SNED1: variants seen among roughly 807,000 people sequenced by gnomAD.
SNED1 encodes sushi, nidogen and EGF-like domain-containing protein 1.
A neutral mutation model predicts 166.7 loss-of-function variants in SNED1; 81 were observed. The observed-to-expected ratio is 0.49, with a 90% CI of 0.41 to 0.58. The LOEUF (loss-of-function observed/expected upper bound fraction) is 0.58, where lower values mean the gene tolerates loss of function less well. Among genes scored for constraint, SNED1 ranks in the 20% least tolerant of loss-of-function variants. SNED1 has a pLI of 0.00. For synonymous variants in SNED1, 762 were observed against 822.0 expected, an observed-to-expected ratio of 0.93 and a Z score of 1.25; for missense variants, 1,604 against 2,000.2, an observed-to-expected ratio of 0.80 and a Z score of 3.78.
At chr2:241,089,674 A>G (rs985254954) in intron 31 of SNED1, among the ~76,000 whole-genome samples, 1 of 152,258 alleles carries the variant, frequency 6.6e-6, no homozygotes, top group Non-Finnish European at 1.5e-5. Flanking sequence ...ACACACACTA[A>G]GCACACTCCA....
intron 15 of SNED1, 89 bp downstream of exon 15, chr2:241,052,557 T>C (rs112347612): frequency 5.4e-5 from 54 of 993,866 alleles, no homozygotes; most frequent in African/African-American, 5.0e-4. Flanking sequence ...GTACATGGGA[T>C]ACCAGTGCCA....
chr2:241,048,971 C>T, intron 10 of SNED1, 51 bp from the exon 11 acceptor site: 1 of 1,498,162 alleles, frequency 6.7e-7, no homozygotes, highest in African/African-American at 1.4e-5. Context: ...GACTCGAGGT[C>T]TGCTGGAAGA....
In SNED1 at chr2:241,064,818, T is replaced by TA. The variant is rs2062372441; in HGVS notation, c.2600-25dup. 10 of 1,535,416 alleles carry TA rather than the reference T, an allele frequency of 6.5e-6. No homozygotes were observed. The highest frequency in any genetic ancestry group is 1.4e-5 in the African/African-American group (1 of 71,142). ...AGGGACCCCTGGCCACGCCCCAACA[T>TA]ACACTGCCACTTTTTCTCCCCTCAG... On this transcript the variant is annotated intron_variant, in intron 19 of 31. Transcript: ENST00000310397. This position sits in a 1 kb window ranked among gnomAD's most constrained non-coding sequence, Gnocchi z 7.0.
At chr2:241,072,136 G>C in intron 26 of SNED1, 2 of 691,436 alleles carry the variant, frequency 2.9e-6, no homozygotes, top group Non-Finnish European at 5.3e-6. Context: ...GGTAGGGCAC[G>C]CAAGAGAAGA....
intron 1 of SNED1, among the ~76,000 whole-genome samples, chr2:241,012,398 C>T (rs1237911106): frequency 1.3e-5 from 2 of 152,240 alleles, no homozygotes; most frequent in African/African-American, 4.8e-5. Flanking sequence ...TGCCACCGCC[C>T]CACCCTGCAT....
intron 1 of SNED1, among the ~76,000 whole-genome samples, chr2:241,008,894 C>T (rs759976814): frequency 6.6e-6 from 1 of 152,234 alleles, no homozygotes; most frequent in Non-Finnish European, 1.5e-5. Flanking sequence ...CTGAGCTTGT[C>T]CAGGAGCTTG....
At chr2:241,032,498 CGGGGGA>C (rs1559241196) in intron 2 of SNED1, among the ~76,000 whole-genome samples, 1 of 66,368 alleles carries the variant, frequency 1.5e-5, no homozygotes, top group Non-Finnish European at 3.0e-5. Flanking sequence ...GTGGGGGGGT[CGGGGGA>C]GGGATAGCAT....
Position 241,053,167 on chromosome 2 carries a change from C to T in SNED1, c.2098C>T (p.Pro700Ser), listed in dbSNP as rs1282780906. 2 of 1,610,530 alleles carry T rather than the reference C, an allele frequency of 1.2e-6. No individual in the cohort carries two copies. Among genetic ancestry groups the T allele is most frequent in the East Asian group, 2.2e-5 (1 of 44,846 alleles). Residue 700 changes from proline (P) to serine (S), a missense_variant, in exon 16 of 32, where the codon CCC (proline) becomes TCC (serine). Physicochemically the swap from Pro to Ser is moderately conservative, Grantham distance 74 (BLOSUM62 -1). This residue lies in a region of SNED1 where 1,237 missense variants were observed against 1,620.8 expected (regional missense o/e 0.76). Coordinates refer to ENST00000310397, the MANE Select transcript of SNED1 (RefSeq NM_001080437.3). ...RRCQAEVDCG[P>S]PEEVKHATLR... ...GTGCCTTGCAGAGGTGGACTGCGGC[C>T]CCCCGGAGGAGGTGAAGCACGCCAC...
intron 21 of SNED1, among the ~76,000 whole-genome samples, chr2:241,066,801 C>G (rs1368661870): frequency 2.6e-5 from 4 of 152,160 alleles, no homozygotes; most frequent in African/African-American, 4.8e-5. Flanking sequence ...TGGGCCCTAG[C>G]TTGATGCCAA....
chr2:241,010,979 T>C (rs1343991156), intron 1 of SNED1, among the ~76,000 whole-genome samples: 2 of 152,092 alleles, frequency 1.3e-5, no homozygotes, highest in Non-Finnish European at 2.9e-5. Flanking sequence ...ACTGGAGTTC[T>C]GGGGGATGCA....
chr2:241,057,062 C>T (rs2062069023), intron 16 of SNED1, among the ~76,000 whole-genome samples: 1 of 152,056 alleles, frequency 6.6e-6, no homozygotes, highest in Non-Finnish European at 1.5e-5. Context: ...ATTCAAAAAG[C>T]TCAGCAAATC....
chr2:241,027,908 T>A (rs1345297728), intron 1 of SNED1, among the ~76,000 whole-genome samples: 1 of 152,076 alleles, frequency 6.6e-6, no homozygotes, highest in African/African-American at 2.4e-5. Flanking sequence ...TAATTTTTTG[T>A]ATTTCTAGTA....
chr2:241,040,251 G>A, intron 7 of SNED1, 49 bp from the exon 8 acceptor site: 3 of 1,570,600 alleles, frequency 1.9e-6, no homozygotes, highest in Non-Finnish European at 1.7e-6. Context: ...TGGGCACAGG[G>A]TGGTTGTGGC....
chr2:241,067,645 C>T (rs551147354), intron 21 of SNED1, 119 bp from the exon 22 acceptor site: 2 of 760,628 alleles, frequency 2.6e-6, no homozygotes, highest in South Asian at 2.1e-5. Context: ...ATGGGACACC[C>T]TCTCCAGTGC....
chr2:241,078,252 G>A lies in SNED1; in HGVS notation c.3917-3425G>A, dbSNP rs533250995. 8.2e-4 allele frequency among the ~76,000 whole-genome samples: 125 copies of A among 151,586 alleles called. 2 individuals carry two copies. In the East Asian group the frequency reaches 0.015, roughly 18 times the overall value. ...ACAAAAATTAGCTGGGCGTGGTGGCGGGCGCCTGTAGTCCCAGCTCCTCAG... is the reference window on the plus strand; with the variant it reads ...ACAAAAATTAGCTGGGCGTGGTGGCAGGCGCCTGTAGTCCCAGCTCCTCAG... On this transcript the variant is annotated intron_variant, in intron 27 of 31. Transcript: ENST00000310397.
rs2061726089 is a variant in SNED1, at chr2:241,048,395, G to A, written c.1354G>A (p.Val452Met). 3.7e-6 allele frequency: 6 copies of A among 1,611,688 alleles called. No homozygotes were observed. The highest frequency in any genetic ancestry group is 1.3e-5 in the African/African-American group (1 of 74,888). The change falls in exon 9 of 32, where the codon GTG (valine) becomes ATG (methionine). Residue 452 changes from valine (V) to methionine (M), a missense_variant. Physicochemically the swap from Val to Met is conservative, Grantham distance 21. Transcript: ENST00000310397. ...CTGTGTGGATGCGGACCAGGGCTAC[G>A]TGTGCGAGTGCCCCGAAGGCTTCAT... ...GTCVDADQGY[V>M]CECPEGFMGL...
Position 241,051,195 on chromosome 2 carries a change from G to C in SNED1, c.1736-549G>C, listed in dbSNP as rs1412835118. 1 of 152,398 alleles carries C rather than the reference G, an allele frequency of 6.6e-6. No homozygotes were observed. Among genetic ancestry groups the C allele is most frequent in the African/African-American group, 2.4e-5 (1 of 41,474 alleles). 9.4% of individuals were successfully genotyped at this position (152,398 alleles called of 1,614,324 possible). On this transcript the variant is annotated intron_variant, in intron 12 of 31. Coordinates refer to ENST00000310397, the MANE Select transcript of SNED1 (RefSeq NM_001080437.3). The surrounding 1 kb of genome is among the most constrained non-coding windows in gnomAD (Gnocchi z 4.7). ...GTGTGATTGTCAAGGTGGCAGGACA[G>C]ATGTGCTTGGTTTCGCAGACACCTT... is the stretch of plus-strand genomic sequence containing the variant.
intron 8 of SNED1, chr2:241,041,058 C>G: frequency 2.9e-6 from 1 of 348,604 alleles, no homozygotes; most frequent in Non-Finnish European, 5.8e-6. Flanking sequence ...ACAAACTATT[C>G]AGGTTATTTT....
intron 6 of SNED1, 68 bp from the exon 7 acceptor site, chr2:241,040,007 G>A: frequency 3.2e-6 from 4 of 1,264,750 alleles, no homozygotes; most frequent in Non-Finnish European, 4.5e-6. Context: ...GTACGTCCCA[G>A]GGGTTTCTGT....
Sources: allele counts gnomAD v4.1 joint callset (sites outside exome capture counted in the v4.1 genomes callset), GRCh38; gene constraint gnomAD v4.1.1; regional missense constraint gnomAD v4.1.1; non-coding constraint Gnocchi (gnomAD v3.1); transcripts MANE v1.5; gene names NCBI Gene and HGNC (gene_info 2026-07-23, HGNC 2026-07-21).